Variants in UNC13C observed in about 807,000 individuals in gnomAD.
UNC13C encodes protein unc-13 homolog C.
A neutral mutation model predicts 245.4 loss-of-function variants in UNC13C; 174 were observed. The ratio of observed to expected loss-of-function variants is 0.71; its 90% CI spans 0.63 to 0.80. The LOEUF is 0.80. Ranked by LOEUF, UNC13C falls within the 30% of genes least tolerant of loss-of-function variation. The probability of loss-of-function intolerance (pLI) is 0.00; values close to 1 mark genes in which losing one functional copy is unlikely to be tolerated. For missense variants in UNC13C, 2,829 were observed against 2,602.9 expected (o/e 1.09, Z -1.89); for synonymous variants, 992 against 895.1 (o/e 1.11, Z -1.93).
chr15:53,970,944 A>G, the UNC13C span, among the ~76,000 whole-genome samples: 1 of 152,178 alleles, frequency 6.6e-6, no homozygotes, highest in Non-Finnish European at 1.5e-5. Flanking sequence ...ACTGTTTTGC[A>G]TAGTAGCTAC....
chr15:54,603,931 T>A (rs1039903579), intron 30 of UNC13C, among the ~76,000 whole-genome samples: 3 of 152,118 alleles, frequency 2.0e-5, no homozygotes, highest in African/African-American at 7.2e-5. Context: ...TTTTTTTTCC[T>A]CCTACCTGAC....
At chr15:54,064,697 A>G (rs1280381573) in intron 2 of UNC13C, among the ~76,000 whole-genome samples, 1 of 152,192 alleles carries the variant, frequency 6.6e-6, no homozygotes, top group African/African-American at 2.4e-5. Context: ...AGGAACCACT[A>G]CCTATAATCT....
chr15:54,080,748 T>C (rs1308652937), intron 2 of UNC13C, among the ~76,000 whole-genome samples: 2 of 152,104 alleles, frequency 1.3e-5, no homozygotes, highest in Non-Finnish European at 1.5e-5. Flanking sequence ...GTCAGTTTTG[T>C]TTATCCTTTC....
chr15:54,133,909 T>C (rs1297280570), intron 2 of UNC13C, among the ~76,000 whole-genome samples: 1 of 152,164 alleles, frequency 6.6e-6, no homozygotes, highest in Non-Finnish European at 1.5e-5. Context: ...TTTTATTCTT[T>C]CCCCAGCTTT....
chr15:54,555,770 A>G (rs1237251513), intron 29 of UNC13C, among the ~76,000 whole-genome samples: 2 of 152,038 alleles, frequency 1.3e-5, no homozygotes, highest in Non-Finnish European at 2.9e-5. Flanking sequence ...GACTGTCCTT[A>G]TACTTGCTTC....
intron 30 of UNC13C, among the ~76,000 whole-genome samples, chr15:54,576,099 A>G (rs2141230133): frequency 6.6e-6 from 1 of 152,362 alleles, no homozygotes; most frequent in East Asian, 1.9e-4. Flanking sequence ...GCACTAACCA[A>G]GTTGTCTACC....
chr15:54,198,737 T>A (rs1261850442), intron 4 of UNC13C, among the ~76,000 whole-genome samples: 1 of 152,072 alleles, frequency 6.6e-6, no homozygotes, highest in Non-Finnish European at 1.5e-5. Flanking sequence ...ATCTTCCCTC[T>A]GACATAGTCC....
chr15:54,161,337 T>C (rs565360044), intron 4 of UNC13C, among the ~76,000 whole-genome samples: 7 of 151,770 alleles, frequency 4.6e-5, no homozygotes, highest in South Asian at 4.2e-4. Flanking sequence ...GTGGAGATCT[T>C]GTGCTTTTAT....
chr15:53,843,547 T>C, the UNC13C span, among the ~76,000 whole-genome samples: 86 of 152,150 alleles, frequency 5.7e-4, no homozygotes, highest in Non-Finnish European at 9.1e-4. Flanking sequence ...AAGCAATTAA[T>C]CATGAGATTA....
chr15:54,557,145 C>T (rs1897126658), intron 29 of UNC13C, among the ~76,000 whole-genome samples: 1 of 152,000 alleles, frequency 6.6e-6, no homozygotes, highest in African/African-American at 2.4e-5. Flanking sequence ...GACAAAACTA[C>T]TATTTGGTGT....
chr15:53,935,285 A>G, the UNC13C span, among the ~76,000 whole-genome samples: 16,147 of 152,072 alleles, frequency 0.11, 1,215 homozygotes, highest in East Asian at 0.33. Context: ...TATGAAGGGC[A>G]TTTCTCAGTT....
At chr15:54,606,104 T>C (rs899010721) in intron 30 of UNC13C, among the ~76,000 whole-genome samples, 1 of 152,232 alleles carries the variant, frequency 6.6e-6, no homozygotes, top group Non-Finnish European at 1.5e-5. Context: ...TGGTTTGTTA[T>C]TGTTATTAAA....
intron 4 of UNC13C, among the ~76,000 whole-genome samples, chr15:54,151,550 G>A (rs932951402): frequency 3.9e-5 from 6 of 152,008 alleles, no homozygotes; most frequent in African/African-American, 1.2e-4. Context: ...TTACAGGCGC[G>A]TGCCATCATG....
At chr15:54,149,338 C>A (rs1002931710) in intron 4 of UNC13C, among the ~76,000 whole-genome samples, 2 of 152,014 alleles carry the variant, frequency 1.3e-5, no homozygotes, top group African/African-American at 4.8e-5. Flanking sequence ...GTTTCCTTTC[C>A]CTCCAGAGAA....
intron 4 of UNC13C, among the ~76,000 whole-genome samples, chr15:54,160,660 T>C (rs970032619): frequency 6.6e-6 from 1 of 152,156 alleles, no homozygotes; most frequent in Admixed American, 6.6e-5. Flanking sequence ...CTTCCTAATT[T>C]CTCTAAAATG....
intron 2 of UNC13C, among the ~76,000 whole-genome samples, chr15:54,021,921 A>G (rs1566956352): frequency 6.6e-6 from 1 of 152,264 alleles, no homozygotes; most frequent in Non-Finnish European, 1.5e-5. Flanking sequence ...ATGTTTATGT[A>G]TCTAAACATA....
chr15:53,947,370 A>G, the UNC13C span, among the ~76,000 whole-genome samples: 1 of 152,234 alleles, frequency 6.6e-6, no homozygotes, highest in Non-Finnish European at 1.5e-5. Flanking sequence ...AAAATGGATG[A>G]ATGAACAAAT....
intron 2 of UNC13C, among the ~76,000 whole-genome samples, chr15:54,020,567 A>C (rs1895858467): frequency 1.3e-5 from 2 of 151,468 alleles, no homozygotes; most frequent in African/African-American, 4.9e-5. Context: ...ACAGGCGTGA[A>C]CCACCACACC....
At chr15:54,482,012 G>T (rs1893148056) in intron 19 of UNC13C, among the ~76,000 whole-genome samples, 1 of 152,186 alleles carries the variant, frequency 6.6e-6, no homozygotes. Context: ...GCTCTGCATG[G>T]CAGTGGTCCT....
Sources: gnomAD v4.1 joint callset for allele counts (sites outside exome capture counted in the v4.1 genomes callset) on GRCh38, gnomAD v4.1.1 for gene constraint, MANE v1.5 for transcripts, NCBI Gene and HGNC (gene_info 2026-07-23, HGNC 2026-07-21) for gene names.